SUSD4: variants seen among roughly 807,000 people sequenced by gnomAD.
SUSD4 encodes the protein sushi domain-containing protein 4.
In SUSD4, 41 loss-of-function variants were observed where a neutral mutation model predicts 50.5. The ratio of observed to expected loss-of-function variants is 0.81; its 90% CI spans 0.63 to 1.05. The LOEUF is 1.05. SUSD4 is among the 50% of genes least tolerant of loss of function. The pLI is 0.00. For synonymous variants in SUSD4, 257 were observed against 257.3 expected (o/e 1.00, Z 0.01); for missense variants, 580 against 634.7 (o/e 0.91, Z 0.93).
At chr1:223,232,192 G>T (rs1659942253) in intron 5 of SUSD4, among the ~76,000 whole-genome samples, 1 of 152,168 alleles carries the variant, frequency 6.6e-6, no homozygotes, top group Non-Finnish European at 1.5e-5. Flanking sequence ...GAAGATGTAG[G>T]TCAAAGGGTA....
chr1:223,310,602 A>C (rs555020445), intron 2 of SUSD4, among the ~76,000 whole-genome samples: 106 of 152,356 alleles, frequency 7.0e-4, no homozygotes, highest in Middle Eastern at 6.8e-3. Flanking sequence ...CATGGAAAAA[A>C]ATGAAAACAA....
intron 3 of SUSD4, among the ~76,000 whole-genome samples, chr1:223,273,355 G>A (rs540188406): frequency 2.0e-5 from 3 of 152,114 alleles, no homozygotes; most frequent in Non-Finnish European, 4.4e-5. Flanking sequence ...ATCCTCAAAG[G>A]GTTTCCCATA....
At chr1:223,312,390 G>A (rs1368606546) in intron 2 of SUSD4, among the ~76,000 whole-genome samples, 2 of 152,058 alleles carry the variant, frequency 1.3e-5, no homozygotes, top group Admixed American at 6.6e-5. Flanking sequence ...TCACTCACTC[G>A]GGCTCCTGGG....
chr1:223,281,935 T>C (rs1055518312), intron 3 of SUSD4, among the ~76,000 whole-genome samples: 2 of 152,154 alleles, frequency 1.3e-5, no homozygotes, highest in African/African-American at 4.8e-5. Context: ...TGGTTCAACA[T>C]ACGCAAATCA....
At chr1:223,224,019 T>C (rs1242193812) in intron 7 of SUSD4, among the ~76,000 whole-genome samples, 1 of 152,168 alleles carries the variant, frequency 6.6e-6, no homozygotes, top group Non-Finnish European at 1.5e-5. Flanking sequence ...AAGTGTCCTG[T>C]AGGATGGGAT....
At chr1:223,289,106 T>G (rs1452349109) in intron 3 of SUSD4, 1 of 985,336 alleles carries the variant, frequency 1.0e-6, no homozygotes, top group East Asian at 1.1e-4. Context: ...ACCCTGGCCT[T>G]TAGTCACTGT....
chr1:223,316,431 C>T (rs1666194347), intron 2 of SUSD4, among the ~76,000 whole-genome samples: 1 of 152,114 alleles, frequency 6.6e-6, no homozygotes, highest in African/African-American at 2.4e-5. Flanking sequence ...CTCCACTCTC[C>T]TCCACACTCC....
chr1:223,344,946 C>T lies in SUSD4; in HGVS notation c.148+18332G>A, dbSNP rs540347446. On this transcript the variant is annotated intron_variant, in intron 2 of 8. Coordinates refer to ENST00000366878, the MANE Select transcript of SUSD4 (RefSeq NM_017982.4). The stretch of plus-strand genomic sequence containing the variant: ...GAAATAATCGAAACTTCCTCTCTGG[C>T]CTCTCTTCACTTTCATTTATAACTT... Among the ~76,000 whole-genome samples the T allele has an allele frequency of 3.9e-5, 6 of 152,296 alleles. No individual in the cohort carries two copies. The East Asian group carries it at 9.6e-4, about 24-fold the overall frequency.
At chr1:223,357,506 C>A (rs1274872500) in intron 2 of SUSD4, among the ~76,000 whole-genome samples, 1 of 152,144 alleles carries the variant, frequency 6.6e-6, no homozygotes, top group African/African-American at 2.4e-5. Context: ...GGACAAGTTG[C>A]TTGATCTTTC....
intron 4 of SUSD4, among the ~76,000 whole-genome samples, chr1:223,265,821 G>A (rs947728711): frequency 4.6e-5 from 7 of 152,162 alleles, no homozygotes; most frequent in African/African-American, 1.4e-4. Flanking sequence ...CTGCAGAGCC[G>A]GTGTTCTTCC....
chr1:223,224,577 A>AC (rs1183565305), intron 7 of SUSD4, among the ~76,000 whole-genome samples: 4 of 149,448 alleles, frequency 2.7e-5, no homozygotes, highest in Non-Finnish European at 4.5e-5. Flanking sequence ...CCACCTCCTG[A>AC]CCCCCCGCCA....
At chr1:223,223,000 T>C (rs1429977410) in intron 8 of SUSD4, among the ~76,000 whole-genome samples, 1 of 152,228 alleles carries the variant, frequency 6.6e-6, no homozygotes, top group Non-Finnish European at 1.5e-5. Flanking sequence ...CGATGCCTTT[T>C]GGTGCCTCTT....
At chr1:223,273,805 T>A (rs1370916426) in intron 3 of SUSD4, among the ~76,000 whole-genome samples, 1 of 152,232 alleles carries the variant, frequency 6.6e-6, no homozygotes, top group Non-Finnish European at 1.5e-5. Context: ...GTGTTGTCCA[T>A]ATAGCCCCAC....
At position 223,220,973 on chromosome 1, in the gene SUSD4, T is replaced by C; in HGVS notation, c.*1219A>G. On this transcript the variant is annotated 3_prime_UTR_variant, in exon 9 of 9. Transcript: ENST00000366878. ...TCTAAAACCAAGAGAAGGAAAGGAA[T>C]CAACTCCACAGATCAACATGTATTT... The C allele has an allele frequency of 2.5e-6, 1 of 400,798 alleles. No individual in the cohort carries two copies. 24.8% of individuals were successfully genotyped at this position (400,798 alleles called of 1,614,324 possible).
chr1:223,317,826 T>C (rs1666295160), intron 2 of SUSD4, among the ~76,000 whole-genome samples: 1 of 147,168 alleles, frequency 6.8e-6, no homozygotes, highest in Non-Finnish European at 1.5e-5. Flanking sequence ...TCGTCAATGC[T>C]TGCCCTTCTT....
chr1:223,242,319 C>A (rs1198236808), intron 5 of SUSD4, among the ~76,000 whole-genome samples: 1 of 152,142 alleles, frequency 6.6e-6, no homozygotes, highest in Non-Finnish European at 1.5e-5. Flanking sequence ...TTTTTGCCTG[C>A]AGAGCCTCTC....
At chr1:223,361,323 C>T (rs1382587643) in intron 2 of SUSD4, among the ~76,000 whole-genome samples, 1 of 152,132 alleles carries the variant, frequency 6.6e-6, no homozygotes, top group Non-Finnish European at 1.5e-5. Context: ...CCAGAAATCA[C>T]ACTCTCAGCC....
chr1:223,359,906 C>A (rs2102601063), intron 2 of SUSD4, among the ~76,000 whole-genome samples: 1 of 151,106 alleles, frequency 6.6e-6, no homozygotes. Flanking sequence ...GTAAAAATAA[C>A]ATTTATGCAA....
intron 3 of SUSD4, among the ~76,000 whole-genome samples, chr1:223,274,116 C>T (rs1663101665): frequency 6.6e-6 from 1 of 152,156 alleles, no homozygotes; most frequent in Non-Finnish European, 1.5e-5. Context: ...CCCTCAGGAG[C>T]ACTGTTCCAT....
Sources: allele counts gnomAD v4.1 joint callset (sites outside exome capture counted in the v4.1 genomes callset), GRCh38; gene constraint gnomAD v4.1.1; transcripts MANE v1.5; gene names NCBI Gene and HGNC (gene_info 2026-07-23, HGNC 2026-07-21).